LRCH3: variants seen among roughly 807,000 people sequenced by gnomAD.
The protein encoded by LRCH3 is leucine rich repeats and calponin homology domain containing 3.
In LRCH3, 68 loss-of-function variants were observed where a neutral mutation model predicts 104.5. The ratio of observed to expected loss-of-function variants is 0.65; its 90% CI spans 0.54 to 0.80. The LOEUF (loss-of-function observed/expected upper bound fraction) is 0.80, where lower values mean the gene tolerates loss of function less well. LRCH3 is among the 30% of genes least tolerant of loss of function. LRCH3 has a pLI of 0.00. For synonymous variants in LRCH3, 344 were observed against 361.3 expected (o/e 0.95, Z 0.54); for missense variants, 951 against 953.9 (o/e 1.00, Z 0.04).
chr3:197,813,510 ATTTTTTT>A (rs57062885), intron 1 of LRCH3, among the ~76,000 whole-genome samples: 21,687 of 65,706 alleles, frequency 0.33, 7,121 homozygotes, highest in South Asian at 0.42. Context: ...GAGGCATATA[ATTTTTTT>A]TTTTTTTTTT....
Position 197,793,092 on chromosome 3 carries a change from C to G in LRCH3, c.262+1552C>G, listed in dbSNP as rs1580502470. On this transcript the variant is annotated intron_variant, in intron 1 of 20. Coordinates refer to ENST00000425562, the MANE Select transcript of LRCH3 (RefSeq NM_001365715.1). The stretch of plus-strand genomic sequence containing the variant: ...GCGTGAGCCACTGCGGCTGGCAGTA[C>G]TTGGTGTCTTATTTTATTTTAAAAT... Among the ~76,000 whole-genome samples, 4 of 152,290 alleles carry G rather than the reference C, an allele frequency of 2.6e-5. No homozygotes were observed. In the South Asian group the frequency reaches 8.3e-4, roughly 32 times the overall value.
chr3:197,837,688 C>G (rs776656048), intron 9 of LRCH3, among the ~76,000 whole-genome samples: 1 of 151,914 alleles, frequency 6.6e-6, no homozygotes, highest in Non-Finnish European at 1.5e-5. Flanking sequence ...ACCAATGTCA[C>G]ATTCATTTTG....
chr3:197,829,371 C>T (rs1735626902), intron 5 of LRCH3, among the ~76,000 whole-genome samples, 193 bp from the exon 6 acceptor site: 1 of 152,084 alleles, frequency 6.6e-6, no homozygotes, highest in East Asian at 1.9e-4. Flanking sequence ...AAAATGAAAA[C>T]ATATTTACCA....
At chr3:197,862,874 T>G (rs1741047242) in intron 15 of LRCH3, among the ~76,000 whole-genome samples, 1 of 152,254 alleles carries the variant, frequency 6.6e-6, no homozygotes, top group Admixed American at 6.5e-5. Context: ...CGAGCTCAGC[T>G]CACTGTTTAA....
intron 19 of LRCH3, among the ~76,000 whole-genome samples, chr3:197,873,265 G>A (rs182589448): frequency 2.3e-4 from 35 of 152,234 alleles, no homozygotes; most frequent in African/African-American, 3.4e-4. Context: ...GCATTTTGCC[G>A]CACTTGCTTT....
chr3:197,845,102 G>C (rs1449012163), intron 10 of LRCH3, among the ~76,000 whole-genome samples: 1 of 152,102 alleles, frequency 6.6e-6, no homozygotes, highest in Non-Finnish European at 1.5e-5. Flanking sequence ...GGTTTGACTG[G>C]CTTTTTAGAG....
intron 1 of LRCH3, among the ~76,000 whole-genome samples, chr3:197,814,416 G>A (rs934461771): frequency 1.3e-5 from 2 of 152,240 alleles, no homozygotes; most frequent in African/African-American, 4.8e-5. Flanking sequence ...AGACTTGAAT[G>A]GGGACACAGG....
chr3:197,861,326 C>T (rs1740854707), intron 15 of LRCH3, among the ~76,000 whole-genome samples: 1 of 152,014 alleles, frequency 6.6e-6, no homozygotes, highest in African/African-American at 2.4e-5. Flanking sequence ...AACTTTTTTT[C>T]AAAATGATCT....
intron 1 of LRCH3, among the ~76,000 whole-genome samples, chr3:197,812,461 G>A (rs1263705104): frequency 7.9e-6 from 1 of 127,034 alleles, no homozygotes; most frequent in African/African-American, 2.9e-5. Flanking sequence ...TAATGCTGAT[G>A]TAAATATTGG....
chr3:197,842,510 GT>G (rs1481358418), intron 10 of LRCH3, among the ~76,000 whole-genome samples: 1 of 152,120 alleles, frequency 6.6e-6, no homozygotes, highest in Non-Finnish European at 1.5e-5. Flanking sequence ...AAAACATTGA[GT>G]GAGCATAAGG....
Position 197,847,922 on chromosome 3 carries a change from G to A in LRCH3, c.1431G>A (p.Glu477=). Residue 477 remains glutamate (E), a synonymous_variant, in exon 12 of 21, where the codon GAG becomes GAA. Transcript: ENST00000425562. ...ATCAGAGAAGGGAGCAGTTAGTAGA[G>A]CGCACTCGGAGAGAGGCTCAGCTTG... The part of the protein sequence containing the change: ...ELHQRREQLV[E]RTRREAQLAA... The A allele has an allele frequency of 6.2e-7, 1 of 1,614,100 alleles. No homozygotes were observed. The highest frequency in any genetic ancestry group is 8.5e-7 in the Non-Finnish European group (1 of 1,180,000).
At chr3:197,861,770 A>G (rs1740913230) in intron 15 of LRCH3, among the ~76,000 whole-genome samples, 1 of 151,352 alleles carries the variant, frequency 6.6e-6, no homozygotes, top group African/African-American at 2.4e-5. Flanking sequence ...CTAGTGAGAG[A>G]TTATTTCTTA....
intron 3 of LRCH3, among the ~76,000 whole-genome samples, chr3:197,819,127 GAA>G (rs1192344643): frequency 1.7e-4 from 22 of 133,324 alleles, no homozygotes; most frequent in East Asian, 8.6e-4. Context: ...TTCCGTCTGG[GAA>G]AAAAAAAAAA....
At chr3:197,813,823 G>C (rs1032917868) in intron 1 of LRCH3, among the ~76,000 whole-genome samples, 2 of 152,020 alleles carry the variant, frequency 1.3e-5, no homozygotes, top group African/African-American at 4.8e-5. Flanking sequence ...GAGCCACCGC[G>C]CCTGGCCTGA....
At chr3:197,798,902 T>C (rs1307611244) in intron 1 of LRCH3, among the ~76,000 whole-genome samples, 2 of 152,256 alleles carry the variant, frequency 1.3e-5, no homozygotes, top group Non-Finnish European at 2.9e-5. Flanking sequence ...TAGCCACATA[T>C]GTCATTTTGG....
intron 12 of LRCH3, chr3:197,850,611 T>C: frequency 6.3e-7 from 1 of 1,581,670 alleles, no homozygotes; most frequent in South Asian, 1.1e-5. Context: ...TTGGATATGC[T>C]CAATGACCAG....
chr3:197,882,965 A>T (rs1713917384), intron 20 of LRCH3: 2 of 985,336 alleles, frequency 2.0e-6, no homozygotes, highest in African/African-American at 3.5e-5. Context: ...AATTAGGGGG[A>T]AGTTTCTCAA....
At chr3:197,809,461 A>G (rs1487062209) in intron 1 of LRCH3, among the ~76,000 whole-genome samples, 4 of 151,798 alleles carry the variant, frequency 2.6e-5, no homozygotes, top group Non-Finnish European at 1.5e-5. Flanking sequence ...ACTTCAGTTC[A>G]TTTTTCAGCC....
intron 19 of LRCH3, among the ~76,000 whole-genome samples, chr3:197,873,071 C>T (rs1027448614): frequency 2.0e-5 from 3 of 152,172 alleles, no homozygotes; most frequent in African/African-American, 4.8e-5. Context: ...GTTCTCTTTG[C>T]ACTGCTGGTC....
Sources: allele counts gnomAD v4.1 joint callset (sites outside exome capture counted in the v4.1 genomes callset), GRCh38; gene constraint gnomAD v4.1.1; transcripts MANE v1.5; gene names NCBI Gene and HGNC (gene_info 2026-07-23, HGNC 2026-07-21).